Variants in CPA3 observed in about 807,000 individuals in gnomAD.
CPA3 encodes the protein carboxypeptidase A3, also known as mast cell carboxypeptidase A.
Under a neutral mutation model 55.8 loss-of-function variants are expected in CPA3, and 52 were observed. The ratio of observed to expected loss-of-function variants is 0.93; its 90% CI spans 0.75 to 1.17. The LOEUF (loss-of-function observed/expected upper bound fraction) is 1.17. Ranked by LOEUF, CPA3 falls within the 50% of genes most tolerant of loss-of-function variation. The pLI is 0.00. For missense variants in CPA3, 547 were observed against 509.1 expected (o/e 1.07, Z -0.72); for synonymous variants, 179 against 171.2 (o/e 1.05, Z -0.36).
In CPA3 at chr3:148,873,377, G is replaced by GCGCA. The variant is rs1553769016; in HGVS notation, c.269+4339_269+4340insGCAC. ...CCAGTGCATGCACGCGCGCACACGC[G>GCGCA]CACACACACACACACACACACACCC... On this transcript the variant is annotated intron_variant, in intron 3 of 10. Coordinates refer to ENST00000296046, the MANE Select transcript of CPA3 (RefSeq NM_001870.4). 4.0e-4 allele frequency among the ~76,000 whole-genome samples: 58 copies of GCGCA among 146,024 alleles called. 1 individual carries two copies. Among genetic ancestry groups the GCGCA allele is most frequent in the East Asian group, 3.8e-3 (19 of 4,984 alleles).
chr3:148,889,132 C>T (rs1714605427), intron 10 of CPA3, among the ~76,000 whole-genome samples: 1 of 152,324 alleles, frequency 6.6e-6, no homozygotes, highest in Middle Eastern at 3.4e-3. Context: ...CGCAGTGCTG[C>T]AGCAGCTTGA....
intron 2 of CPA3, among the ~76,000 whole-genome samples, chr3:148,867,235 C>T (rs1713926857): frequency 6.6e-6 from 1 of 152,180 alleles, no homozygotes. Context: ...GTTTCTCTCC[C>T]TTTTGACCTG....
intron 10 of CPA3, among the ~76,000 whole-genome samples, chr3:148,891,920 G>A (rs1160449728): frequency 6.6e-6 from 1 of 152,172 alleles, no homozygotes; most frequent in Non-Finnish European, 1.5e-5. Flanking sequence ...ATCTTAGTGT[G>A]ATTTCTTTCT....
At chr3:148,874,918 A>T (rs555394086) in intron 3 of CPA3, among the ~76,000 whole-genome samples, 1 of 152,350 alleles carries the variant, frequency 6.6e-6, no homozygotes, top group South Asian at 2.1e-4. Flanking sequence ...CTTCACTATT[A>T]TTCTGAAGTT....
intron 2 of CPA3, among the ~76,000 whole-genome samples, chr3:148,866,754 GT>G (rs1713911344): frequency 6.6e-6 from 1 of 151,978 alleles, no homozygotes; most frequent in South Asian, 2.1e-4. Flanking sequence ...CCATAGAAGC[GT>G]TTTTTGTTTG....
At chr3:148,895,224 A>G (rs1412433056) in intron 10 of CPA3, among the ~76,000 whole-genome samples, 5 of 152,176 alleles carry the variant, frequency 3.3e-5, no homozygotes, top group Non-Finnish European at 7.3e-5. Context: ...GCTCTGGTCC[A>G]GCTGGATCTC....
At chr3:148,884,441 T>G (rs1442135186) in intron 9 of CPA3, among the ~76,000 whole-genome samples, 16 of 152,100 alleles carry the variant, frequency 1.1e-4, no homozygotes. Context: ...AATGGGTGCA[T>G]AGAGGGATAA....
intron 10 of CPA3, among the ~76,000 whole-genome samples, chr3:148,894,299 T>C (rs536087177): frequency 6.6e-6 from 1 of 152,172 alleles, no homozygotes; most frequent in African/African-American, 2.4e-5. Context: ...GTCAATACCA[T>C]TAGACTGTGG....
intron 3 of CPA3, among the ~76,000 whole-genome samples, chr3:148,875,202 A>G (rs1351335062): frequency 6.6e-6 from 1 of 152,226 alleles, no homozygotes; most frequent in Non-Finnish European, 1.5e-5. Context: ...GTTAAAAAAT[A>G]GACTTCTTCC....
chr3:148,867,939 A>G (rs1172053523), intron 2 of CPA3, among the ~76,000 whole-genome samples: 1 of 152,208 alleles, frequency 6.6e-6, no homozygotes, highest in African/African-American at 2.4e-5. Context: ...CTTGTTGCCC[A>G]GGCTGGAGTG....
rs2108034123 is a variant in CPA3 at position 148,879,866 on chromosome 3, T to C, written c.553T>C (p.Phe185Leu). 6.2e-7 allele frequency: 1 copy of C among 1,612,496 alleles called. No homozygotes were observed. Among genetic ancestry groups the C allele is most frequent in the Non-Finnish European group, 8.5e-7 (1 of 1,178,646 alleles). Residue 185 changes from phenylalanine (F) to leucine (L), a missense_variant, in exon 6 of 11, where the codon TTC becomes CTC. Coordinates refer to ENST00000296046, the MANE Select transcript of CPA3 (RefSeq NM_001870.4). Reference protein sequence around the residue: ...IHAREWVSPAFCQWFVYQATK... With the variant: ...IHAREWVSPALCQWFVYQATK... Reference sequence around the variant, plus strand: ...CGCACGAGAATGGGTCTCCCCAGCATTCTGCCAGTGGTTTGTCTATCAGGT... The same window carrying C: ...CGCACGAGAATGGGTCTCCCCAGCACTCTGCCAGTGGTTTGTCTATCAGGT...
intron 3 of CPA3, among the ~76,000 whole-genome samples, chr3:148,870,393 A>C (rs993277959): frequency 6.6e-6 from 1 of 152,122 alleles, no homozygotes. Flanking sequence ...AGGATTTACT[A>C]CTGCTCACCA....
At chr3:148,884,212 A>G (rs950368059) in intron 9 of CPA3, among the ~76,000 whole-genome samples, 1 of 152,212 alleles carries the variant, frequency 6.6e-6, no homozygotes, top group Non-Finnish European at 1.5e-5. Flanking sequence ...TTAAGAAGAT[A>G]CATTGTATTT....
intron 3 of CPA3, among the ~76,000 whole-genome samples, chr3:148,875,051 G>T (rs979921558): frequency 6.6e-6 from 1 of 152,130 alleles, no homozygotes; most frequent in Non-Finnish European, 1.5e-5. Context: ...AGCCACCCAA[G>T]ATCACATGTT....
In CPA3 at chr3:148,878,714, C is replaced by G; in HGVS notation, c.440C>G (p.Ser147Cys). Residue 147 changes from serine (S) to cysteine (C), a missense_variant, in exon 5 of 11, where the codon TCT becomes TGT. Transcript: ENST00000296046. ...PEMVSRIKIGSTVEDNPLYVL... is the reference protein window; with the variant it reads ...PEMVSRIKIGCTVEDNPLYVL... The stretch of plus-strand genomic sequence containing the variant: ...ATGGTCTCTCGTATTAAAATTGGAT[C>G]TACTGTTGAAGATAATCCACTATAT... 1 of 1,608,758 alleles carries G rather than the reference C, an allele frequency of 6.2e-7. No individual in the cohort carries two copies. Among genetic ancestry groups the G allele is most frequent in the Non-Finnish European group, 8.5e-7 (1 of 1,175,720 alleles).
At chr3:148,884,790 G>C (rs1346383410) in intron 9 of CPA3, among the ~76,000 whole-genome samples, 2 of 151,572 alleles carry the variant, frequency 1.3e-5, no homozygotes, top group African/African-American at 4.8e-5. Context: ...TTCAATTAAT[G>C]CATACCAATG....
At chr3:148,881,698 G>T (rs1233171312) in intron 7 of CPA3, 66 bp downstream of exon 7, 4 of 967,964 alleles carry the variant, frequency 4.1e-6, no homozygotes, top group Admixed American at 2.1e-5. Flanking sequence ...ACAATGTTAT[G>T]CATTCAGCTT....
At chr3:148,891,371 T>C (rs1714661725) in intron 10 of CPA3, among the ~76,000 whole-genome samples, 1 of 151,928 alleles carries the variant, frequency 6.6e-6, no homozygotes, top group African/African-American at 2.4e-5. Context: ...TCCCAGCTAC[T>C]CAGGAGGCTG....
Position 148,880,565 on chromosome 3 carries a change from C to A in CPA3, c.576+676C>A, listed in dbSNP as rs73160794. On this transcript the variant is annotated intron_variant, in intron 6 of 10. Transcript: ENST00000296046. ...CAGGCTGTTATCAAACTCCTGATCC[C>A]AAGTAATCTGTCCCCCTCGGCCTCC... 5.0e-3 allele frequency among the ~76,000 whole-genome samples: 757 copies of A among 152,216 alleles called. 2 individuals are homozygous for A. Among genetic ancestry groups the A allele is most frequent in the Non-Finnish European group, 8.0e-3 (544 of 68,004 alleles).
Sources: allele counts gnomAD v4.1 joint callset (sites outside exome capture counted in the v4.1 genomes callset), GRCh38; gene constraint gnomAD v4.1.1; transcripts MANE v1.5; gene names NCBI Gene and HGNC (gene_info 2026-07-23, HGNC 2026-07-21).